The following ARHGEF3 variants were observed in gnomAD, a reference collection of about 807,000 sequenced individuals.
ARHGEF3 encodes the protein 59.8 kDA protein.
ARHGEF3 carries 28 observed loss-of-function variants against 63.2 expected under a neutral mutation model. The observed-to-expected ratio is 0.44, with a 90% CI of 0.33 to 0.61. The LOEUF (loss-of-function observed/expected upper bound fraction) is 0.61. Ranked by LOEUF, ARHGEF3 falls within the 20% of genes least tolerant of loss-of-function variation. The probability of loss-of-function intolerance (pLI) is 0.03; values close to 1 mark genes in which losing one functional copy is unlikely to be tolerated. For synonymous variants in ARHGEF3, 266 were observed against 254.2 expected, an observed-to-expected ratio of 1.05 and a Z score of -0.44; for missense variants, 533 against 659.3, an observed-to-expected ratio of 0.81 and a Z score of 2.10.
At chr3:56,740,526 A>G (rs192908320) in intron 7 of ARHGEF3, among the ~76,000 whole-genome samples, 16 of 152,362 alleles carry the variant, frequency 1.1e-4, no homozygotes, top group Admixed American at 2.6e-4. Flanking sequence ...TACTAAAGCC[A>G]TGACTCATCC....
rs373705983 is a variant in ARHGEF3, at chr3:56,941,790, AT to A, written c.129+17032del. 1.3e-4 allele frequency among the ~76,000 whole-genome samples: 20 copies of A among 152,160 alleles called. 1 individual carries two copies. The East Asian group carries it at 3.7e-3, about 28-fold the overall frequency. On this transcript the variant is annotated intron_variant, in intron 3 of 12. Transcript: ENST00000338458. ...CTTCTTTCTATGTATATATTAATAT[AT>A]TTTTTCCCCGTAAGAAGGGATCACT...
At chr3:56,990,901 G>A (rs1032696038) in intron 2 of ARHGEF3, among the ~76,000 whole-genome samples, 14 of 152,302 alleles carry the variant, frequency 9.2e-5, no homozygotes, top group Non-Finnish European at 1.6e-4. Context: ...GGGGTCAGGT[G>A]AGGGGTGAGC....
chr3:56,811,694 G>C (rs1030831824), intron 4 of ARHGEF3, among the ~76,000 whole-genome samples: 2 of 152,198 alleles, frequency 1.3e-5, no homozygotes, highest in Non-Finnish European at 1.5e-5. Context: ...AACATAGTTC[G>C]CATGTGCCCA....
intron 3 of ARHGEF3, among the ~76,000 whole-genome samples, chr3:56,947,844 C>T (rs34967535): frequency 0.26 from 38,881 of 151,984 alleles, 5,954 homozygotes; most frequent in East Asian, 0.39. Context: ...AGCACCACAC[C>T]GCACTTATTC....
chr3:56,921,891 G>A (rs745937118), intron 3 of ARHGEF3, among the ~76,000 whole-genome samples: 4 of 152,168 alleles, frequency 2.6e-5, no homozygotes, highest in Admixed American at 6.5e-5. Flanking sequence ...AAATGATGCT[G>A]GAACATGGAA....
chr3:57,050,339 C>G (rs1029118440), intron 1 of ARHGEF3, among the ~76,000 whole-genome samples: 3 of 152,236 alleles, frequency 2.0e-5, no homozygotes, highest in Non-Finnish European at 2.9e-5. Context: ...AAATGCTGTT[C>G]TTCTCACTCT....
At chr3:57,073,666 T>C in intron 1 of ARHGEF3, 1 of 1,591,008 alleles carries the variant, frequency 6.3e-7, no homozygotes, top group Non-Finnish European at 8.6e-7. Flanking sequence ...CCTCCTTTTC[T>C]GGAGAATTCT....
intron 3 of ARHGEF3, among the ~76,000 whole-genome samples, chr3:56,941,927 T>C (rs1361879084): frequency 1.3e-5 from 2 of 152,236 alleles, no homozygotes; most frequent in Middle Eastern, 3.2e-3. Flanking sequence ...AATCATCACA[T>C]TGTTGAGAAC....
chr3:57,027,508 C>A (rs1318655848), intron 2 of ARHGEF3, among the ~76,000 whole-genome samples: 2 of 152,134 alleles, frequency 1.3e-5, no homozygotes, highest in Non-Finnish European at 2.9e-5. Flanking sequence ...CCCAGACAGA[C>A]AAGAACAGGT....
At chr3:56,775,188 A>G in intron 1 of ARHGEF3, 4 of 1,485,354 alleles carry the variant, frequency 2.7e-6, no homozygotes, top group Non-Finnish European at 3.6e-6. Flanking sequence ...TTAAGGCAGA[A>G]CTTCAGATTC....
At chr3:57,042,671 TATATATATATATATATATATA>T (rs1371920650) in intron 1 of ARHGEF3, among the ~76,000 whole-genome samples, 1,698 of 22,610 alleles carry the variant, frequency 0.075, 158 homozygotes, top group African/African-American at 0.21. Context: ...TATATATATA[TATATATATATATATATATATA>T]TATATATATT....
At chr3:57,030,989 G>A (rs1703707754) in intron 2 of ARHGEF3, among the ~76,000 whole-genome samples, 1 of 152,212 alleles carries the variant, frequency 6.6e-6, no homozygotes, top group Non-Finnish European at 1.5e-5. Context: ...ATTCCAGGGA[G>A]CCCCAGTCCT....
intron 4 of ARHGEF3, among the ~76,000 whole-genome samples, chr3:56,831,737 T>C (rs1282366776): frequency 6.6e-6 from 1 of 152,212 alleles, no homozygotes; most frequent in African/African-American, 2.4e-5. Context: ...GTGTGTACGT[T>C]CAGAAAACAT....
chr3:56,921,008 TTG>T (rs2042116757), intron 3 of ARHGEF3, among the ~76,000 whole-genome samples: 6 of 140,390 alleles, frequency 4.3e-5, no homozygotes, highest in African/African-American at 8.3e-5. Flanking sequence ...TGAGCCGAGA[TTG>T]CACCACTGCA....
At chr3:57,077,686 G>A (rs1438029966) in intron 1 of ARHGEF3, among the ~76,000 whole-genome samples, 2 of 152,028 alleles carry the variant, frequency 1.3e-5, no homozygotes, top group Non-Finnish European at 2.9e-5. Context: ...ACTGTCAGGA[G>A]ACCCAAGGCT....
intron 4 of ARHGEF3, among the ~76,000 whole-genome samples, chr3:56,876,920 G>A (rs2040604242): frequency 6.6e-6 from 1 of 152,218 alleles, no homozygotes; most frequent in African/African-American, 2.4e-5. Flanking sequence ...TCAAGTCATA[G>A]TCTTAGCAAG....
rs983998164 is a variant in ARHGEF3 at position 57,003,131 on chromosome 3, C to T, written c.62+31957G>A. On this transcript the variant is annotated intron_variant, in intron 2 of 12. Transcript: ENST00000338458. The stretch of plus-strand genomic sequence containing the variant: ...CCTTAAAAAGAAATTAAAGGCCGGG[C>T]GCAGTGGCTCACGCTTATAATCCCA... 4.0e-5 allele frequency among the ~76,000 whole-genome samples: 6 copies of T among 151,430 alleles called. No individual in the cohort carries two copies. The South Asian group carries it at 6.3e-4, about 16-fold the overall frequency.
intron 3 of ARHGEF3, among the ~76,000 whole-genome samples, chr3:56,954,463 C>G (rs1013379693): frequency 3.3e-5 from 5 of 152,200 alleles, no homozygotes; most frequent in African/African-American, 9.6e-5. Flanking sequence ...GAGACACCCC[C>G]CAGGGTTCCT....
chr3:56,934,732 G>A (rs1032055806), intron 3 of ARHGEF3, among the ~76,000 whole-genome samples: 2 of 152,198 alleles, frequency 1.3e-5, no homozygotes, highest in African/African-American at 2.4e-5. Flanking sequence ...GCAGCCCGCC[G>A]TGCCTGAGCC....
Sources: allele counts gnomAD v4.1 joint callset (sites outside exome capture counted in the v4.1 genomes callset), GRCh38; gene constraint gnomAD v4.1.1; transcripts MANE v1.5; gene names NCBI Gene and HGNC (gene_info 2026-07-23, HGNC 2026-07-21).